Variants in SFMBT2 observed in about 807,000 individuals in gnomAD.
SFMBT2 encodes scm-like with four MBT domains protein 2.
Under a neutral mutation model 110.1 loss-of-function variants are expected in SFMBT2, and 38 were observed. The observed-to-expected ratio is 0.35, with a 90% CI of 0.27 to 0.45. SFMBT2 has a LOEUF of 0.45. SFMBT2 is among the 20% of genes least tolerant of loss of function. The pLI is 1.00. For missense variants in SFMBT2, 1,011 were observed against 1,094.9 expected (o/e 0.92, Z 1.08); for synonymous variants, 425 against 425.4 (o/e 1.00, Z 0.01).
chr10:7,404,353 G>C (rs375109035), intron 1 of SFMBT2, among the ~76,000 whole-genome samples: 1 of 152,196 alleles, frequency 6.6e-6, no homozygotes, highest in East Asian at 1.9e-4. Context: ...GATTGAAATG[G>C]AGGGGAAAGA....
chr10:7,318,669 G>A (rs1564437300), intron 4 of SFMBT2, among the ~76,000 whole-genome samples: 4 of 152,250 alleles, frequency 2.6e-5, no homozygotes, highest in African/African-American at 7.2e-5. Context: ...TAAATACACA[G>A]CCCAAATGCT....
At chr10:7,284,384 A>G (rs771995670) in intron 5 of SFMBT2, 208 of 1,272,390 alleles carry the variant, frequency 1.6e-4, no homozygotes, top group Non-Finnish European at 1.7e-4. Flanking sequence ...TCACAAGTCA[A>G]TAGAAAATAA....
chr10:7,250,250 CT>C (rs1840760489), intron 7 of SFMBT2, among the ~76,000 whole-genome samples: 1 of 152,202 alleles, frequency 6.6e-6, no homozygotes, highest in Non-Finnish European at 1.5e-5. Context: ...CCCCCCTCCC[CT>C]CTAGTAGTCT....
chr10:7,334,864 C>T (rs907739214), intron 4 of SFMBT2, among the ~76,000 whole-genome samples: 3 of 152,042 alleles, frequency 2.0e-5, no homozygotes, highest in South Asian at 2.1e-4. Flanking sequence ...AGTTCCAGGA[C>T]GACAGGAATA....
At chr10:7,213,761 G>A (rs58808304) in intron 11 of SFMBT2, among the ~76,000 whole-genome samples, 2 of 148,754 alleles carry the variant, frequency 1.3e-5, no homozygotes, top group African/African-American at 5.1e-5. Context: ...GAGGCCATGG[G>A]CGCGGGCACT....
intron 4 of SFMBT2, among the ~76,000 whole-genome samples, chr10:7,354,420 G>A (rs1389292745): frequency 6.6e-6 from 1 of 152,154 alleles, no homozygotes; most frequent in Non-Finnish European, 1.5e-5. Context: ...CTGGCATAGT[G>A]GGCATGAGAT....
At chr10:7,183,140 G>A (rs1203195464) in intron 16 of SFMBT2, among the ~76,000 whole-genome samples, 2 of 152,094 alleles carry the variant, frequency 1.3e-5, no homozygotes, top group African/African-American at 4.8e-5. Context: ...GAAGCAACAA[G>A]CAAAAGATTA....
intron 4 of SFMBT2, among the ~76,000 whole-genome samples, chr10:7,362,772 C>A (rs1462621656): frequency 6.6e-6 from 1 of 152,236 alleles, no homozygotes; most frequent in Non-Finnish European, 1.5e-5. Context: ...AAATTCTACC[C>A]AGGCATACAC....
chr10:7,367,995 G>A lies in SFMBT2; in HGVS notation c.196-106C>T. ...TATGGCACTTACAAACAATATTCCT[G>A]TTGCTCTAAAACAGGCATGTATTTA... On this transcript the variant is annotated intron_variant, in intron 3 of 20. Coordinates refer to ENST00000397167, the MANE Select transcript of SFMBT2 (RefSeq NM_001387889.1). This position sits in a 1 kb window ranked among gnomAD's most constrained non-coding sequence, Gnocchi z 6.2. 1 of 1,450,698 alleles carries A rather than the reference G, an allele frequency of 6.9e-7. No homozygotes were observed. Among genetic ancestry groups the A allele is most frequent in the Non-Finnish European group, 9.2e-7 (1 of 1,084,808 alleles). The allele number at this position is 1,450,698 out of a possible 1,614,324, so 89.9% of individuals were successfully genotyped here. A position where few individuals can be genotyped will look rare whatever the true frequency, so the allele number is the denominator to read the frequency against.
chr10:7,353,957 C>T (rs935860637), intron 4 of SFMBT2, among the ~76,000 whole-genome samples: 2 of 151,570 alleles, frequency 1.3e-5, no homozygotes, highest in Non-Finnish European at 2.9e-5. Context: ...TGTGGTGGTG[C>T]GTGCGTGTAA....
chr10:7,191,794 A>G (rs1838608529), intron 15 of SFMBT2, among the ~76,000 whole-genome samples: 2 of 152,198 alleles, frequency 1.3e-5, no homozygotes, highest in Non-Finnish European at 1.5e-5. Context: ...TAGGTGCTCT[A>G]TAGATATTTT....
chr10:7,291,521 G>A (rs995683882), intron 4 of SFMBT2, among the ~76,000 whole-genome samples: 1 of 152,006 alleles, frequency 6.6e-6, no homozygotes, highest in Non-Finnish European at 1.5e-5. Context: ...TATTCCCCGG[G>A]TCCTCTCTGA....
chr10:7,303,582 C>G (rs1193035019), intron 4 of SFMBT2, among the ~76,000 whole-genome samples: 1 of 152,154 alleles, frequency 6.6e-6, no homozygotes, highest in South Asian at 2.1e-4. Context: ...AATATAACCA[C>G]AACCTAGAGT....
At chr10:7,342,630 T>C (rs747557903) in intron 4 of SFMBT2, among the ~76,000 whole-genome samples, 21 of 151,932 alleles carry the variant, frequency 1.4e-4, no homozygotes, top group Non-Finnish European at 1.9e-4. Context: ...ATCTCCTGAC[T>C]TTGTGATCCG....
chr10:7,315,439 T>C (rs1294069765), intron 4 of SFMBT2, among the ~76,000 whole-genome samples: 1 of 152,222 alleles, frequency 6.6e-6, no homozygotes, highest in Non-Finnish European at 1.5e-5. Context: ...CAACTCTATC[T>C]GAAATATTGG....
At chr10:7,378,033 G>A (rs1331201044) in intron 2 of SFMBT2, among the ~76,000 whole-genome samples, 1 of 151,678 alleles carries the variant, frequency 6.6e-6, no homozygotes, top group African/African-American at 2.4e-5. Flanking sequence ...GGGAGTGTGT[G>A]TGTGGATGGG....
chr10:7,406,875 C>A (rs1418029637), intron 1 of SFMBT2, among the ~76,000 whole-genome samples: 1 of 152,116 alleles, frequency 6.6e-6, no homozygotes, highest in Non-Finnish European at 1.5e-5. Context: ...TGACCACTCT[C>A]TATTCCAGGA....
chr10:7,234,289 C>T (rs1840194275), intron 9 of SFMBT2, among the ~76,000 whole-genome samples: 1 of 152,174 alleles, frequency 6.6e-6, no homozygotes, highest in South Asian at 2.1e-4. Context: ...TACCGCCTTC[C>T]TTATCTTTTA....
intron 4 of SFMBT2, among the ~76,000 whole-genome samples, chr10:7,328,854 C>CT (rs1399227729): frequency 6.6e-6 from 1 of 152,206 alleles, no homozygotes. Flanking sequence ...AAAGCTTAAA[C>CT]TTGCAGCCTC....
Sources: gnomAD v4.1 joint callset for allele counts (sites outside exome capture counted in the v4.1 genomes callset) on GRCh38, gnomAD v4.1.1 for gene constraint, Gnocchi (gnomAD v3.1) non-coding constraint, MANE v1.5 for transcripts, NCBI Gene and HGNC (gene_info 2026-07-23, HGNC 2026-07-21) for gene names.